The following LRRC37A2 variants were observed in gnomAD, a reference collection of about 807,000 sequenced individuals.
The protein encoded by LRRC37A2 is leucine rich repeat containing 37 member A2.
In LRRC37A2, 9 loss-of-function variants were observed where a neutral mutation model predicts 68.8. The observed-to-expected ratio is 0.13, with a 90% CI of 0.08 to 0.23. LRRC37A2 has a LOEUF of 0.23. LRRC37A2 is among the 10% of genes least tolerant of loss of function. The pLI is 1.00. For missense variants in LRRC37A2, 168 were observed against 950.4 expected (o/e 0.18, Z 10.82); for synonymous variants, 63 against 367.6 (o/e 0.17, Z 9.48).
the LRRC37A2 span, among the ~76,000 whole-genome samples, chr17:46,710,412 C>T: frequency 6.6e-6 from 1 of 152,060 alleles, no homozygotes; most frequent in Admixed American, 6.6e-5. Flanking sequence ...ATTACAGCTC[C>T]TCATTTCTAT....
At chr17:46,765,247 C>T in the LRRC37A2 span, among the ~76,000 whole-genome samples, 1 of 152,228 alleles carries the variant, frequency 6.6e-6, no homozygotes, top group South Asian at 2.1e-4. Flanking sequence ...ATTGAAGGGA[C>T]ACATCCAAGG....
the LRRC37A2 span, among the ~76,000 whole-genome samples, chr17:47,002,316 T>C: frequency 6.6e-6 from 1 of 152,152 alleles, no homozygotes; most frequent in African/African-American, 2.4e-5. Flanking sequence ...AAGTGGGGTA[T>C]CCAGCCCCTC....
the LRRC37A2 span, among the ~76,000 whole-genome samples, chr17:47,037,941 A>G: frequency 2.0e-5 from 3 of 152,118 alleles, no homozygotes; most frequent in Non-Finnish European, 4.4e-5. Flanking sequence ...CCTTTTCATC[A>G]TATTATAATC....
chr17:46,864,085 C>T, the LRRC37A2 span, among the ~76,000 whole-genome samples: 1 of 152,226 alleles, frequency 6.6e-6, no homozygotes, highest in Admixed American at 6.5e-5. Context: ...AGGCCTGGCC[C>T]TTCCAGGGCC....
chr17:46,726,284 A>G, the LRRC37A2 span, among the ~76,000 whole-genome samples: 6 of 152,212 alleles, frequency 3.9e-5, no homozygotes, highest in African/African-American at 1.4e-4. Context: ...GTGTGATAGA[A>G]GTGATGGGAT....
the LRRC37A2 span, among the ~76,000 whole-genome samples, chr17:46,861,350 T>C: frequency 6.6e-6 from 1 of 152,232 alleles, no homozygotes; most frequent in Non-Finnish European, 1.5e-5. Context: ...CAGTGCTCCC[T>C]GGTCTGCAGT....
the LRRC37A2 span, chr17:46,931,308 T>C: frequency 4.1e-6 from 3 of 739,998 alleles, no homozygotes; most frequent in Non-Finnish European, 5.0e-6. Context: ...CCAACGTACA[T>C]GTTGAAAAAC....
At chr17:46,791,687 A>G in the LRRC37A2 span, among the ~76,000 whole-genome samples, 5 of 152,346 alleles carry the variant, frequency 3.3e-5, no homozygotes, top group East Asian at 7.7e-4. Flanking sequence ...TTCTACTTAC[A>G]TTCATCACAG....
chr17:46,825,890 G>A, the LRRC37A2 span, among the ~76,000 whole-genome samples: 1 of 152,246 alleles, frequency 6.6e-6, no homozygotes, highest in Non-Finnish European at 1.5e-5. Context: ...GGGCATGGTG[G>A]CGCATGCCTG....
chr17:46,961,808 C>A, the LRRC37A2 span, among the ~76,000 whole-genome samples: 4 of 152,122 alleles, frequency 2.6e-5, no homozygotes, highest in East Asian at 7.7e-4. Flanking sequence ...ACAAAATGTA[C>A]ACCCTTTATC....
At chr17:46,769,838 T>G in the LRRC37A2 span, 1 of 1,613,352 alleles carries the variant, frequency 6.2e-7, no homozygotes, top group East Asian at 2.2e-5. Context: ...GTCCGGCCTG[T>G]TCTCGCGCGC....
the LRRC37A2 span, among the ~76,000 whole-genome samples, chr17:46,999,844 T>C: frequency 1.1e-3 from 165 of 150,022 alleles, 1 homozygote; most frequent in African/African-American, 2.4e-3. Flanking sequence ...ACTAAAAATA[T>C]AAAAATTAGC....
the LRRC37A2 span, among the ~76,000 whole-genome samples, chr17:46,731,000 A>G: frequency 6.6e-6 from 1 of 152,184 alleles, no homozygotes; most frequent in Non-Finnish European, 1.5e-5. Flanking sequence ...TAGAGTTACC[A>G]TATAACCCAG....
At chr17:46,503,330 A>G in the LRRC37A2 span, among the ~76,000 whole-genome samples, 2 of 149,708 alleles carry the variant, frequency 1.3e-5, 1 homozygote, top group African/African-American at 5.1e-5. Flanking sequence ...CACTCAATCA[A>G]CAGACCATCT....
the LRRC37A2 span, among the ~76,000 whole-genome samples, chr17:46,752,859 C>T: frequency 3.9e-5 from 6 of 152,110 alleles, no homozygotes; most frequent in Non-Finnish European, 7.4e-5. Context: ...TTCCACCTCC[C>T]GGGTTCAAGG....
chr17:46,766,796 GA>G, the LRRC37A2 span, among the ~76,000 whole-genome samples: 1 of 152,194 alleles, frequency 6.6e-6, no homozygotes, highest in African/African-American at 2.4e-5. Context: ...ACTGCAGGAA[GA>G]GGGGGCACTC....
the LRRC37A2 span, chr17:46,930,037 G>GT: frequency 0.62 from 89,813 of 144,442 alleles, 28,146 homozygotes; most frequent in Middle Eastern, 0.68. Flanking sequence ...CTGGTTTTTT[G>GT]TTTTTTTTCA....
the LRRC37A2 span, among the ~76,000 whole-genome samples, chr17:46,995,123 C>A: frequency 1.3e-5 from 2 of 152,208 alleles, no homozygotes; most frequent in South Asian, 4.2e-4. Flanking sequence ...ACTGTCCCCC[C>A]ACTCCCCCAA....
chr17:46,858,206 A>G, the LRRC37A2 span, among the ~76,000 whole-genome samples: 1 of 152,338 alleles, frequency 6.6e-6, no homozygotes, highest in South Asian at 2.1e-4. Flanking sequence ...CTGGGATTAC[A>G]GGCGTGAGCC....
Sources: allele counts gnomAD v4.1 joint callset (sites outside exome capture counted in the v4.1 genomes callset), GRCh38; gene constraint gnomAD v4.1.1; transcripts MANE v1.5; gene names NCBI Gene and HGNC (gene_info 2026-07-23, HGNC 2026-07-21).